KISS1: variants seen among roughly 807,000 people sequenced by gnomAD.
KISS1 encodes KiSS-1 metastasis suppressor.
For synonymous variants in KISS1, 97 were observed against 88.7 expected, an observed-to-expected ratio of 1.09 and a Z score of -0.52; for missense variants, 182 against 182.7, an observed-to-expected ratio of 1.00 and a Z score of 0.02.
At chr1:204,194,830 G>C (rs573128995) in intron 1 of KISS1, among the ~76,000 whole-genome samples, 1 of 152,184 alleles carries the variant, frequency 6.6e-6, no homozygotes, top group South Asian at 2.1e-4. Flanking sequence ...GGGAACTTCA[G>C]GCCCTCTAGC....
intron 1 of KISS1, among the ~76,000 whole-genome samples, chr1:204,195,210 T>C (rs374820180): frequency 0.016 from 25 of 1,584 alleles, no homozygotes; most frequent in South Asian, 0.053. Context: ...CACACATATA[T>C]ACGCACACAC....
At chr1:204,193,834 C>T (rs771320009) in intron 1 of KISS1, among the ~76,000 whole-genome samples, 17 of 152,100 alleles carry the variant, frequency 1.1e-4, no homozygotes, top group Admixed American at 2.0e-4. Flanking sequence ...CTACCTCTTC[C>T]GGCTCCCAAA....
chr1:204,190,409 T>TGCCCC lies in KISS1; in HGVS notation c.*74_*75insGGGGC, dbSNP rs200451423. ...CAGCGCCCCCTCCCTTAGCCCTACGTCCCCGCCCCCCGCCCCCGCCCCGCA... is the reference window on the plus strand; with the variant it reads ...CAGCGCCCCCTCCCTTAGCCCTACGTGCCCCCCCCGCCCCCCGCCCCCGCCCCGCA... On this transcript the variant is annotated 3_prime_UTR_variant, in exon 3 of 3. Transcript: ENST00000367194. The TGCCCC allele has an allele frequency of 1.5e-3, 874 of 569,910 alleles. 4 individuals are homozygous for TGCCCC. Among genetic ancestry groups the TGCCCC allele is most frequent in the Middle Eastern group, 6.3e-3 (13 of 2,060 alleles). 35.3% of individuals were successfully genotyped at this position (569,910 alleles called of 1,614,324 possible). A position where few individuals can be genotyped will look rare whatever the true frequency, so the allele number is the denominator to read the frequency against.
At chr1:204,195,146 A>C (rs868612476) in intron 1 of KISS1, among the ~76,000 whole-genome samples, 20 of 3,828 alleles carry the variant, frequency 5.2e-3, no homozygotes, top group Admixed American at 9.3e-3. Flanking sequence ...ACACACACAC[A>C]CCCCCCACAC....
intron 1 of KISS1, among the ~76,000 whole-genome samples, chr1:204,193,443 C>T (rs1571666373): frequency 6.6e-6 from 1 of 152,270 alleles, no homozygotes; most frequent in East Asian, 1.9e-4. Context: ...AAATCCACAA[C>T]TTTCTGTGTT....
At chr1:204,195,224 T>C (rs60013522) in intron 1 of KISS1, among the ~76,000 whole-genome samples, 365 of 9,276 alleles carry the variant, frequency 0.039, 15 homozygotes, top group Non-Finnish European at 0.043. Flanking sequence ...CACACACCCA[T>C]ACACATATAC....
intron 2 of KISS1, among the ~76,000 whole-genome samples, chr1:204,191,159 T>C (rs984392020): frequency 6.6e-6 from 1 of 152,218 alleles, no homozygotes; most frequent in African/African-American, 2.4e-5. Flanking sequence ...AGTGGGGCCA[T>C]GTTAATTCAT....
Position 204,190,415 on chromosome 1 carries a change from C to CT in KISS1, c.*68_*69insA. The CT allele has an allele frequency of 1.8e-6, 1 of 571,320 alleles. No homozygotes were observed. Among genetic ancestry groups the CT allele is most frequent in the Non-Finnish European group, 3.1e-6 (1 of 318,904 alleles). The allele number at this position is 571,320 out of a possible 1,614,324, so 35.4% of individuals were successfully genotyped here. A position where few individuals can be genotyped will look rare whatever the true frequency, so the allele number is the denominator to read the frequency against. ...CCCCTCCCTTAGCCCTACGTCCCCG[C>CT]CCCCCGCCCCCGCCCCGCATGCTCT... On this transcript the variant is annotated 3_prime_UTR_variant, in exon 3 of 3. Transcript: ENST00000367194.
At chr1:204,190,827 C>T (rs1571664795) in intron 2 of KISS1, 30 bp from the exon 3 acceptor site, 5 of 1,582,422 alleles carry the variant, frequency 3.2e-6, no homozygotes, top group Non-Finnish European at 3.5e-6. Context: ...AAGATGAGGC[C>T]GGGGTCCGGG....
intron 2 of KISS1, among the ~76,000 whole-genome samples, chr1:204,191,707 G>GT (rs2102328755): frequency 6.6e-6 from 1 of 152,376 alleles, no homozygotes; most frequent in African/African-American, 2.4e-5. Context: ...GAAAAGAGGA[G>GT]TGTGGACCTG....
At chr1:204,195,150 CCCA>C (rs1302622923) in intron 1 of KISS1, among the ~76,000 whole-genome samples, 2 of 135,334 alleles carry the variant, frequency 1.5e-5, no homozygotes, top group African/African-American at 2.8e-5. Flanking sequence ...ACACACACCC[CCCA>C]CACCACACAC....
chr1:204,190,839 A>G, intron 2 of KISS1, 42 bp from the exon 3 acceptor site: 1 of 1,548,186 alleles, frequency 6.5e-7, no homozygotes, highest in Non-Finnish European at 8.8e-7. Flanking sequence ...GGGTCCGGGA[A>G]AGATGGCTTT....
chr1:204,195,244 CCCAT>C (rs1658824749), intron 1 of KISS1, among the ~76,000 whole-genome samples: 4 of 1,796 alleles, frequency 2.2e-3, no homozygotes, highest in Admixed American at 5.5e-3. Flanking sequence ...CACGCATACA[CCCAT>C]ACACACACAT....
At position 204,192,392 on chromosome 1, in the gene KISS1, GT is replaced by G. The variant is rs11428399; in HGVS notation, c.103+381del. ...ATCAAATATCTGCCCTTTGGTTTAG[GT>G]TTTTTTTTTTTTCCAAATTCTCCAC... On this transcript the variant is annotated intron_variant, in intron 2 of 2. Coordinates refer to ENST00000367194, the MANE Select transcript of KISS1 (RefSeq NM_002256.4). The surrounding 1 kb of genome is among the most constrained non-coding windows in gnomAD (Gnocchi z 4.2). 6.6e-3 allele frequency among the ~76,000 whole-genome samples: 973 copies of G among 146,392 alleles called. 10 individuals carry two copies. Among genetic ancestry groups the G allele is most frequent in the East Asian group, 0.019 (97 of 5,008 alleles).
rs184298230 is a variant in KISS1 at position 204,190,616 on chromosome 1, G to A, written c.285C>T (p.Pro95=). 449 of 1,588,776 alleles carry A rather than the reference G, an allele frequency of 2.8e-4. 1 individual carries two copies. Among genetic ancestry groups the A allele is most frequent in the East Asian group, 2.3e-3 (100 of 43,628 alleles). The change falls in exon 3 of 3, where the codon CCC becomes CCT. Residue 95 remains proline, a synonymous_variant. Coordinates refer to ENST00000367194, the MANE Select transcript of KISS1 (RefSeq NM_002256.4). ...GLSAPHSRQI[P]APQGAVLVQR... is the part of the protein sequence containing the mutation. Reference sequence around the variant, plus strand: ...GCACCAGCACCGCGCCCTGGGGTGCGGGGATCTGGCGGCTGTGGGGGGCGG... The same window carrying A: ...GCACCAGCACCGCGCCCTGGGGTGCAGGGATCTGGCGGCTGTGGGGGGCGG...
chr1:204,190,431 C>CCCCCAG lies in KISS1; in HGVS notation c.*52_*53insCTGGGG. ...ACGTCCCCGCCCCCCGCCCCCGCCC[C>CCCCCAG]GCATGCTCTGACTCCTTTGGGGTCT... On this transcript the variant is annotated 3_prime_UTR_variant, in exon 3 of 3. Coordinates refer to ENST00000367194, the MANE Select transcript of KISS1 (RefSeq NM_002256.4). 7.1e-6 allele frequency: 8 copies of CCCCCAG among 1,130,782 alleles called. No individual in the cohort carries two copies. Among genetic ancestry groups the CCCCCAG allele is most frequent in the Non-Finnish European group, 1.0e-5 (8 of 780,982 alleles). 70.0% of individuals were successfully genotyped at this position (1,130,782 alleles called of 1,614,324 possible).
In KISS1 at chr1:204,192,729, C is replaced by T. The variant is rs1455751830; in HGVS notation, c.103+45G>A. On this transcript the variant is annotated intron_variant, in intron 2 of 2. Coordinates refer to ENST00000367194, the MANE Select transcript of KISS1 (RefSeq NM_002256.4). The surrounding 1 kb of genome is among the most constrained non-coding windows in gnomAD (Gnocchi z 4.2). ...AAATACGGGAAAGCTCATTTTGCAA[C>T]AACCCACTTGCTCCCTCCCACTCCT... The T allele has an allele frequency of 8.2e-7, 1 of 1,215,206 alleles. No homozygotes were observed. The highest frequency in any genetic ancestry group is 2.4e-5 in the East Asian group (1 of 41,002). The allele number at this position is 1,215,206 out of a possible 1,614,324, so 75.3% of individuals were successfully genotyped here. A position where few individuals can be genotyped will look rare whatever the true frequency, so the allele number is the denominator to read the frequency against.
In KISS1 at chr1:204,192,986, G is replaced by A. The variant is rs1025791117; in HGVS notation, c.-38-72C>T. On this transcript the variant is annotated intron_variant, in intron 1 of 2. Coordinates refer to ENST00000367194, the MANE Select transcript of KISS1 (RefSeq NM_002256.4). This position sits in a 1 kb window ranked among gnomAD's most constrained non-coding sequence, Gnocchi z 4.2. Reference sequence around the variant, plus strand: ...GGCTGGGTGCTGAGGGCAGAGCCCAGTGCAAAAGGGACAGTCCTCCAAGAG... The same window carrying A: ...GGCTGGGTGCTGAGGGCAGAGCCCAATGCAAAAGGGACAGTCCTCCAAGAG... The A allele has an allele frequency of 3.9e-6, 3 of 767,032 alleles. No individual in the cohort carries two copies. The African/African-American group carries it at 5.2e-5, about 13-fold the overall frequency. 47.5% of individuals were successfully genotyped at this position (767,032 alleles called of 1,614,324 possible). A position where few individuals can be genotyped will look rare whatever the true frequency, so the allele number is the denominator to read the frequency against.
Position 204,192,382 on chromosome 1 carries a change from T to C in KISS1, c.103+392A>G, listed in dbSNP as rs2102329041. Among the ~76,000 whole-genome samples the C allele has an allele frequency of 6.9e-6, 1 of 145,680 alleles. No individual in the cohort carries two copies. Among genetic ancestry groups the C allele is most frequent in the African/African-American group, 2.6e-5 (1 of 38,560 alleles). ...GTTAATAGGTATCAAATATCTGCCC[T>C]TTGGTTTAGGTTTTTTTTTTTTTCC... On this transcript the variant is annotated intron_variant, in intron 2 of 2. Coordinates refer to ENST00000367194, the MANE Select transcript of KISS1 (RefSeq NM_002256.4). The surrounding 1 kb of genome is among the most constrained non-coding windows in gnomAD (Gnocchi z 4.2).
Sources: gnomAD v4.1 joint callset for allele counts (sites outside exome capture counted in the v4.1 genomes callset) on GRCh38, gnomAD v4.1.1 for gene constraint, Gnocchi (gnomAD v3.1) non-coding constraint, MANE v1.5 for transcripts, NCBI Gene and HGNC (gene_info 2026-07-23, HGNC 2026-07-21) for gene names.